The following GALNTL6 variants were observed in gnomAD, a reference collection of about 807,000 sequenced individuals.
GALNTL6 encodes polypeptide N-acetylgalactosaminyltransferase like 6.
GALNTL6 carries 46 observed loss-of-function variants against 73.7 expected under a neutral mutation model. The ratio of observed to expected loss-of-function variants is 0.62; its 90% CI spans 0.49 to 0.80. The LOEUF is 0.80. Among genes scored for constraint, GALNTL6 ranks in the 30% least tolerant of loss-of-function variants. GALNTL6 has a pLI of 0.00. For missense variants in GALNTL6, 604 were observed against 755.0 expected (o/e 0.80, Z 2.34); for synonymous variants, 259 against 263.7 (o/e 0.98, Z 0.17).
intron 12 of GALNTL6, among the ~76,000 whole-genome samples, chr4:173,031,643 A>G (rs1390588929): frequency 6.6e-6 from 1 of 152,128 alleles, no homozygotes; most frequent in African/African-American, 2.4e-5. Context: ...AGAGAGAGAG[A>G]AACTCTGGGT....
intron 2 of GALNTL6, among the ~76,000 whole-genome samples, chr4:171,891,888 A>T (rs1206767893): frequency 6.6e-6 from 1 of 152,214 alleles, no homozygotes; most frequent in Non-Finnish European, 1.5e-5. Context: ...TTTACTGAAC[A>T]TCCTATATAT....
chr4:172,064,894 T>C (rs746044343), intron 2 of GALNTL6, among the ~76,000 whole-genome samples: 3 of 152,194 alleles, frequency 2.0e-5, no homozygotes, highest in Non-Finnish European at 4.4e-5. Flanking sequence ...TCAATATAAA[T>C]ATCTCATATG....
At chr4:172,269,217 A>G (rs1738554733) in intron 3 of GALNTL6, among the ~76,000 whole-genome samples, 1 of 151,978 alleles carries the variant, frequency 6.6e-6, no homozygotes, top group Non-Finnish European at 1.5e-5. Context: ...ATTCATGTCC[A>G]CTCCACTATC....
rs545580546 is a variant in GALNTL6 at position 172,735,287 on chromosome 4, C to G, written c.554-74074C>G. Among the ~76,000 whole-genome samples the G allele has an allele frequency of 2.2e-4, 34 of 152,274 alleles. 1 individual carries two copies. The South Asian group carries it at 5.6e-3, about 25-fold the overall frequency. ...AAACCCACCTCTTGCAGCAGCGTGA[C>G]CTGGATGTGAGACATGGACTCAAAG... is the stretch of plus-strand genomic sequence containing the variant. On this transcript the variant is annotated intron_variant, in intron 5 of 12. Coordinates refer to ENST00000506823, the MANE Select transcript of GALNTL6 (RefSeq NM_001034845.3).
At chr4:172,541,761 T>A (rs996506487) in intron 5 of GALNTL6, among the ~76,000 whole-genome samples, 2 of 152,164 alleles carry the variant, frequency 1.3e-5, no homozygotes, top group African/African-American at 4.8e-5. Context: ...CGAAGTTGTA[T>A]GCATGCTCAC....
At chr4:172,439,089 C>G (rs1161396707) in intron 5 of GALNTL6, among the ~76,000 whole-genome samples, 1 of 151,594 alleles carries the variant, frequency 6.6e-6, no homozygotes, top group Non-Finnish European at 1.5e-5. Context: ...TATCATTATA[C>G]TAACATGCTT....
rs147416234 is a variant in GALNTL6, at chr4:172,567,573, C to G, written c.553+218884C>G. ...CTTGTTGGCCGGGTGTGGTAGCTCACGCCTGTAATCCCAGCACTTTAAAAG... is the reference window on the plus strand; with the variant it reads ...CTTGTTGGCCGGGTGTGGTAGCTCAGGCCTGTAATCCCAGCACTTTAAAAG... On this transcript the variant is annotated intron_variant, in intron 5 of 12. Transcript: ENST00000506823. 2.7e-3 allele frequency among the ~76,000 whole-genome samples: 408 copies of G among 152,258 alleles called. 1 individual carries two copies. Among genetic ancestry groups the G allele is most frequent in the African/African-American group, 9.3e-3 (388 of 41,540 alleles).
chr4:172,637,285 G>A (rs1442344792), intron 5 of GALNTL6, among the ~76,000 whole-genome samples: 1 of 152,054 alleles, frequency 6.6e-6, no homozygotes, highest in Non-Finnish European at 1.5e-5. Flanking sequence ...TTTAGAAACT[G>A]TAAAATTTAT....
chr4:172,907,356 T>C lies in GALNTL6; in HGVS notation c.1042-23805T>C, dbSNP rs1746955109. The stretch of plus-strand genomic sequence containing the variant: ...ATTTATAAATACTCATACTGAAAAA[T>C]GGTAATCATAAATATAATATTACAC... On this transcript the variant is annotated intron_variant, in intron 8 of 12. Transcript: ENST00000506823. Among the ~76,000 whole-genome samples the C allele has an allele frequency of 5.3e-5, 8 of 152,192 alleles. No homozygotes were observed. The South Asian group carries it at 1.7e-3, about 32-fold the overall frequency.
intron 2 of GALNTL6, among the ~76,000 whole-genome samples, chr4:172,106,828 T>C (rs971231952): frequency 1.4e-4 from 21 of 152,274 alleles, no homozygotes; most frequent in Middle Eastern, 3.4e-3. Flanking sequence ...AGGGTGGATA[T>C]AAGAATATTA....
chr4:171,928,224 A>G (rs1282050087), intron 2 of GALNTL6, among the ~76,000 whole-genome samples: 2 of 152,228 alleles, frequency 1.3e-5, no homozygotes, highest in Admixed American at 6.5e-5. Flanking sequence ...GTTGTAAAAT[A>G]ATTTTATTTA....
rs558771160 is a variant in GALNTL6 at position 171,954,496 on chromosome 4, T to C, written c.138+139778T>C. On this transcript the variant is annotated intron_variant, in intron 2 of 12. Coordinates refer to ENST00000506823, the MANE Select transcript of GALNTL6 (RefSeq NM_001034845.3). ...ACTGCAAATTACGTAAGAATACAGA[T>C]GCTTCTGATTCATGCAAAGTTAAAA... is the stretch of plus-strand genomic sequence containing the variant. 1.8e-4 allele frequency among the ~76,000 whole-genome samples: 27 copies of C among 152,320 alleles called. No individual in the cohort carries two copies. The South Asian group carries it at 3.7e-3, about 21-fold the overall frequency.
chr4:172,155,252 G>A (rs1481688599), intron 2 of GALNTL6, among the ~76,000 whole-genome samples: 1 of 152,032 alleles, frequency 6.6e-6, no homozygotes, highest in Non-Finnish European at 1.5e-5. Context: ...CCCGCCTCAG[G>A]CTTCCAAAGT....
intron 5 of GALNTL6, among the ~76,000 whole-genome samples, chr4:172,423,727 CTCTG>C (rs577236637): frequency 1.5e-3 from 224 of 152,140 alleles, no homozygotes; most frequent in African/African-American, 5.2e-3. Flanking sequence ...AGGTAAACAT[CTCTG>C]TCTATTTTAT....
chr4:172,525,036 G>C (rs936828434), intron 5 of GALNTL6, among the ~76,000 whole-genome samples: 1 of 152,072 alleles, frequency 6.6e-6, no homozygotes, highest in Non-Finnish European at 1.5e-5. Context: ...TTGCTTAAAA[G>C]CCTATTAATT....
At chr4:172,341,239 CAGG>C (rs1405618227) in intron 4 of GALNTL6, among the ~76,000 whole-genome samples, 1 of 151,586 alleles carries the variant, frequency 6.6e-6, no homozygotes, top group African/African-American at 2.4e-5. Flanking sequence ...ATCACGAGGT[CAGG>C]AGATCGAGAC....
intron 11 of GALNTL6, among the ~76,000 whole-genome samples, chr4:173,016,036 T>C (rs6829302): frequency 0.013 from 1,989 of 152,276 alleles, 40 homozygotes; most frequent in African/African-American, 0.043. Flanking sequence ...ATTCAGAGGG[T>C]GCAAGCCCCA....
intron 2 of GALNTL6, among the ~76,000 whole-genome samples, chr4:172,202,054 A>G (rs556257718): frequency 1.1e-4 from 17 of 152,342 alleles, no homozygotes; most frequent in Middle Eastern, 3.4e-3. Flanking sequence ...AGTTCAAACC[A>G]TGAGGGAAAA....
Position 172,367,061 on chromosome 4 carries a change from T to C in GALNTL6, c.553+18372T>C, listed in dbSNP as rs141037811. On this transcript the variant is annotated intron_variant, in intron 5 of 12. Coordinates refer to ENST00000506823, the MANE Select transcript of GALNTL6 (RefSeq NM_001034845.3). ...GAAGGTGCAAAGCACTTTGAAAGAG[T>C]GGTGGTGGTCCCCAAACCTGTGAGA... Among the ~76,000 whole-genome samples the C allele has an allele frequency of 6.6e-5, 10 of 152,224 alleles. No homozygotes were observed. The East Asian group carries it at 9.7e-4, about 15-fold the overall frequency.
Sources: allele counts gnomAD v4.1 joint callset (sites outside exome capture counted in the v4.1 genomes callset), GRCh38; gene constraint gnomAD v4.1.1; transcripts MANE v1.5; gene names NCBI Gene and HGNC (gene_info 2026-07-23, HGNC 2026-07-21).